Variants in BRS3 observed in about 807,000 individuals in gnomAD.
The protein encoded by BRS3 is bombesin receptor subtype-3.
In BRS3, 5 loss-of-function variants were observed where a neutral mutation model predicts 18.8. The observed-to-expected ratio is 0.27, with a 90% CI of 0.14 to 0.56. The LOEUF is 0.56. BRS3 is among the 20% of genes least tolerant of loss of function. The pLI is 0.93. For synonymous variants in BRS3, 121 were observed against 115.0 expected, an observed-to-expected ratio of 1.05 and a Z score of -0.33; for missense variants, 215 against 296.3, an observed-to-expected ratio of 0.73 and a Z score of 2.01.
Position 136,492,765 on chromosome X carries a change from T to C in BRS3, c.*390T>C, listed in dbSNP as rs1170170836. 1 of 125,057 alleles carries C rather than the reference T, an allele frequency of 8.0e-6. No individual in the cohort carries two copies. Among genetic ancestry groups the C allele is most frequent in the Non-Finnish European group, 1.6e-5 (1 of 61,835 alleles). The allele number at this position is 125,057 out of a possible 1,213,427, so 10.3% of individuals were successfully genotyped here. On this transcript the variant is annotated 3_prime_UTR_variant, in exon 3 of 3. Coordinates refer to ENST00000370648, the MANE Select transcript of BRS3 (RefSeq NM_001727.2). ...CATAAAATTGTGTTTGTGTTTACTG[T>C]GTGGTGTAAATCTAGAGATACTTTG...
Position 136,488,108 on chromosome X carries a change from A to G in BRS3, c.-7A>G. On this transcript the variant is annotated 5_prime_UTR_variant, in exon 1 of 3. Transcript: ENST00000370648. ...AAGAAATATTAAAGACACAGTCTTC[A>G]GAAGAAATGGCTCAAAGGCAGCCTC... 5.1e-6 allele frequency: 6 copies of G among 1,185,251 alleles called. No individual in the cohort carries two copies. Among genetic ancestry groups the G allele is most frequent in the Non-Finnish European group, 6.8e-6 (6 of 883,065 alleles).
At position 136,490,211 on chromosome X, in the gene BRS3, C is replaced by T; in HGVS notation, c.513C>T (p.Val171=). ...AGACTTGTGTAAAAGCTGGCTGCGT[C>T]TGGATCGTGTCTATGATATTTGCTC... ...ILKTCVKAGC[V]WIVSMIFALP... The change falls in exon 2 of 3, where the codon GTC becomes GTT. Residue 171 remains valine (V), a synonymous_variant. Transcript: ENST00000370648. 8.3e-7 allele frequency: 1 copy of T among 1,211,130 alleles called. No homozygotes were observed. Among genetic ancestry groups the T allele is most frequent in the East Asian group, 3.0e-5 (1 of 33,846 alleles).
At chrX:136,491,913 G>GTGTTGTTTTTTTTTTTTT (rs773324636) in intron 2 of BRS3, 49 bp from the exon 3 acceptor site, 1 of 431,735 alleles carries the variant, frequency 2.3e-6, no homozygotes, top group African/African-American at 8.1e-5. Context: ...TGTTTTTTGT[G>GTGTTGTTTTTTTTTTTTT]TTTTTTTTTT....
At position 136,488,041 on chromosome X, in the gene BRS3, T is replaced by C. The variant is rs990880312; in HGVS notation, c.-74T>C. ...CCTAATACCATCTCGTTACTAGACG[T>C]AGGCATTGGACGTGACAATCAACTG... On this transcript the variant is annotated 5_prime_UTR_variant, in exon 1 of 3. Transcript: ENST00000370648. 2.4e-5 allele frequency: 24 copies of C among 982,281 alleles called. No individual in the cohort carries two copies. Among genetic ancestry groups the C allele is most frequent in the Non-Finnish European group, 2.9e-5 (21 of 717,709 alleles). 81.0% of individuals were successfully genotyped at this position (982,281 alleles called of 1,213,427 possible).
Position 136,490,845 on chromosome X carries a change from G to A in BRS3, c.786+361G>A, listed in dbSNP as rs746015200. ...AGTAGTCAAAATTTTTTACCCCATG[G>A]AATAGTGGGGAACACTGCATAAGAT... On this transcript the variant is annotated intron_variant, in intron 2 of 2. Coordinates refer to ENST00000370648, the MANE Select transcript of BRS3 (RefSeq NM_001727.2). Among the ~76,000 whole-genome samples, 9 of 112,412 alleles carry A rather than the reference G, an allele frequency of 8.0e-5. No individual in the cohort carries two copies. The South Asian group carries it at 1.1e-3, about 14-fold the overall frequency.
intron 2 of BRS3, among the ~76,000 whole-genome samples, chrX:136,491,032 A>C (rs994623388): frequency 2.7e-5 from 3 of 111,392 alleles, no homozygotes; most frequent in Non-Finnish European, 5.7e-5. Context: ...AGTGGAATGC[A>C]AGTAGCACGA....
chrX:136,488,685 G>A, intron 1 of BRS3, 137 bp downstream of exon 1: 1 of 628,186 alleles, frequency 1.6e-6, no homozygotes, highest in Non-Finnish European at 2.3e-6. Flanking sequence ...TGGAAAATCT[G>A]GTGGCATTTA....
Position 136,490,489 on chromosome X carries a change from G to A in BRS3, c.786+5G>A. On this transcript the variant is annotated splice_donor_5th_base_variant and intron_variant, in intron 2 of 2. Coordinates refer to ENST00000370648, the MANE Select transcript of BRS3 (RefSeq NM_001727.2). ...CAAAGCCATGCCCGTAAGCAGGTAT[G>A]TATTAATCAGTACTCATGCAAATCT... is the stretch of plus-strand genomic sequence containing the variant. The A allele has an allele frequency of 8.9e-7, 1 of 1,122,228 alleles. No individual in the cohort carries two copies. The highest frequency in any genetic ancestry group is 1.8e-5 in the African/African-American group (1 of 55,246). 92.5% of individuals were successfully genotyped at this position (1,122,228 alleles called of 1,213,427 possible). A position where few individuals can be genotyped will look rare whatever the true frequency, so the allele number is the denominator to read the frequency against.
Position 136,491,913 on chromosome X carries a change from G to GTGTTTTTTTTTTTTTTTTT in BRS3, c.787-48_787-47insGTTTTTTTTTTTTTTTTTT, listed in dbSNP as rs773324636. On this transcript the variant is annotated intron_variant, in intron 2 of 2. Transcript: ENST00000370648. ...TTTTTTTGTTGTTGTTGTTTTTTGT[G>GTGTTTTTTTTTTTTTTTTT]TTTTTTTTTTTTTTTTTTTTTTTTT... The GTGTTTTTTTTTTTTTTTTT allele has an allele frequency of 2.7e-5, 12 of 436,964 alleles. No individual in the cohort carries two copies. In the African/African-American group the frequency reaches 4.8e-4, roughly 18 times the overall value. The allele number at this position is 436,964 out of a possible 1,213,427, so 36.0% of individuals were successfully genotyped here. A position where few individuals can be genotyped will look rare whatever the true frequency, so the allele number is the denominator to read the frequency against.
chrX:136,491,611 G>T (rs1399160343), intron 2 of BRS3, among the ~76,000 whole-genome samples: 1 of 112,018 alleles, frequency 8.9e-6, no homozygotes, highest in Non-Finnish European at 1.9e-5. Context: ...AAATTTTGGA[G>T]AATTCCACGG....
chrX:136,488,011 G>A lies in BRS3; in HGVS notation c.-104G>A. 5 of 785,974 alleles carry A rather than the reference G, an allele frequency of 6.4e-6. No individual in the cohort carries two copies. Among genetic ancestry groups the A allele is most frequent in the Non-Finnish European group, 9.1e-6 (5 of 550,522 alleles). 64.8% of individuals were successfully genotyped at this position (785,974 alleles called of 1,213,427 possible). A position where few individuals can be genotyped will look rare whatever the true frequency, so the allele number is the denominator to read the frequency against. On this transcript the variant is annotated 5_prime_UTR_variant, in exon 1 of 3. Coordinates refer to ENST00000370648, the MANE Select transcript of BRS3 (RefSeq NM_001727.2). ...TTTTCTTCCCATTCTGTTCTGTTCT[G>A]TTCTCCTAATACCATCTCGTTACTA...
At chrX:136,488,813 G>T (rs536824862) in intron 1 of BRS3, among the ~76,000 whole-genome samples, 2 of 112,034 alleles carry the variant, frequency 1.8e-5, no homozygotes, top group Admixed American at 1.9e-4. Context: ...ACTGAACGGG[G>T]TTTTTATTTT....
chrX:136,488,009 C>T lies in BRS3; in HGVS notation c.-106C>T. ...GATTTTCTTCCCATTCTGTTCTGTT[C>T]TGTTCTCCTAATACCATCTCGTTAC... On this transcript the variant is annotated 5_prime_UTR_variant, in exon 1 of 3. Transcript: ENST00000370648. The T allele has an allele frequency of 1.3e-6, 1 of 770,764 alleles. No homozygotes were observed. The highest frequency in any genetic ancestry group is 1.9e-6 in the Non-Finnish European group (1 of 537,561). The allele number at this position is 770,764 out of a possible 1,213,427, so 63.5% of individuals were successfully genotyped here. A position where few individuals can be genotyped will look rare whatever the true frequency, so the allele number is the denominator to read the frequency against.
chrX:136,491,619 C>T (rs190042867), intron 2 of BRS3, among the ~76,000 whole-genome samples: 40 of 111,885 alleles, frequency 3.6e-4, no homozygotes, highest in Middle Eastern at 4.6e-3. Flanking sequence ...GAGAATTCCA[C>T]GGCATTCTTC....
Position 136,491,913 on chromosome X carries a change from G to GTTTTTTT in BRS3, c.787-29_787-23dup, listed in dbSNP as rs754593042. On this transcript the variant is annotated intron_variant, in intron 2 of 2. Coordinates refer to ENST00000370648, the MANE Select transcript of BRS3 (RefSeq NM_001727.2). ...TTTTTTTGTTGTTGTTGTTTTTTGTGTTTTTTTTTTTTTTTTTTTTTTTTT... is the reference window on the plus strand; with the variant it reads ...TTTTTTTGTTGTTGTTGTTTTTTGTGTTTTTTTTTTTTTTTTTTTTTTTTTTTTTTTT... 78 of 436,871 alleles carry GTTTTTTT rather than the reference G, an allele frequency of 1.8e-4. 2 individuals are homozygous for GTTTTTTT. The African/African-American group carries it at 3.6e-3, about 20-fold the overall frequency. The allele number at this position is 436,871 out of a possible 1,213,427, so 36.0% of individuals were successfully genotyped here. A position where few individuals can be genotyped will look rare whatever the true frequency, so the allele number is the denominator to read the frequency against.
Position 136,490,367 on chromosome X carries a change from A to G in BRS3, c.669A>G (p.Leu223=), listed in dbSNP as rs1256713355. Residue 223 remains leucine (L), a synonymous_variant, in exon 2 of 3, where the codon TTA becomes TTG. Coordinates refer to ENST00000370648, the MANE Select transcript of BRS3 (RefSeq NM_001727.2). ...AAATACATTCTCTGCTGTGCTTCTTAGTGTTCTACATTATTCCACTCTCTA... is the reference window on the plus strand; with the variant it reads ...AAATACATTCTCTGCTGTGCTTCTTGGTGTTCTACATTATTCCACTCTCTA... ...LQEIHSLLCF[L]VFYIIPLSII... is the part of the protein sequence containing the mutation. 2.5e-6 allele frequency: 3 copies of G among 1,207,876 alleles called. No individual in the cohort carries two copies. Among genetic ancestry groups the G allele is most frequent in the Admixed American group, 4.3e-5 (2 of 46,030 alleles).
At chrX:136,490,064 A>AGT in intron 1 of BRS3, 69 bp from the exon 2 acceptor site, 1 of 946,305 alleles carries the variant, frequency 1.1e-6, no homozygotes, top group Non-Finnish European at 1.4e-6. Flanking sequence ...CACTAAGGTC[A>AGT]CTTCTCACCC....
intron 2 of BRS3, among the ~76,000 whole-genome samples, chrX:136,490,801 G>A (rs1261841499): frequency 8.9e-6 from 1 of 111,909 alleles, no homozygotes; most frequent in Non-Finnish European, 1.9e-5. Context: ...TATTAGAGAG[G>A]GGACAATTGA....
intron 2 of BRS3, 93 bp downstream of exon 2, chrX:136,490,577 T>A (rs2075665737): frequency 1.4e-6 from 1 of 695,635 alleles, no homozygotes; most frequent in Non-Finnish European, 2.0e-6. Context: ...TCTTCCTGTT[T>A]ATAAATGCAA....
Sources: gnomAD v4.1 joint callset for allele counts (sites outside exome capture counted in the v4.1 genomes callset) on GRCh38, gnomAD v4.1.1 for gene constraint, MANE v1.5 for transcripts, NCBI Gene and HGNC (gene_info 2026-07-23, HGNC 2026-07-21) for gene names.